The following BTF3L4 variants were observed in gnomAD, a reference collection of about 807,000 sequenced individuals.
The protein encoded by BTF3L4 is transcription factor BTF3 homolog 4.
In BTF3L4, 6 loss-of-function variants were observed where a neutral mutation model predicts 16.8. That is an observed-to-expected ratio of 0.36 (90% CI 0.20 to 0.71). BTF3L4 has a LOEUF of 0.71. Ranked by LOEUF, BTF3L4 falls within the 30% of genes least tolerant of loss-of-function variation. The pLI is 0.58. For missense variants in BTF3L4, 92 were observed against 186.9 expected (o/e 0.49, Z 2.96); for synonymous variants, 39 against 59.8 (o/e 0.65, Z 1.60).
intron 1 of BTF3L4, among the ~76,000 whole-genome samples, 200 bp downstream of exon 1, chr1:52,056,579 A>G (rs944406525): frequency 6.6e-6 from 1 of 152,228 alleles, no homozygotes; most frequent in African/African-American, 2.4e-5. Context: ...GAAGGTCCCC[A>G]GCACCACCGC....
intron 2 of BTF3L4, among the ~76,000 whole-genome samples, chr1:52,061,850 C>T (rs1365307208): frequency 1.3e-5 from 2 of 151,662 alleles, no homozygotes; most frequent in African/African-American, 2.4e-5. Context: ...TCATGTTGGT[C>T]AGGATGATCT....
At chr1:52,065,918 A>G (rs546538841) in intron 3 of BTF3L4, among the ~76,000 whole-genome samples, 1 of 152,130 alleles carries the variant, frequency 6.6e-6, no homozygotes, top group Non-Finnish European at 1.5e-5. Context: ...CATGCCTGTA[A>G]TCCCAGCTAC....
At chr1:52,081,986 T>C (rs528584643) in intron 3 of BTF3L4, among the ~76,000 whole-genome samples, 1 of 152,318 alleles carries the variant, frequency 6.6e-6, no homozygotes, top group South Asian at 2.1e-4. Flanking sequence ...TCAGCATCTA[T>C]GCTTGATTTT....
intron 3 of BTF3L4, among the ~76,000 whole-genome samples, 181 bp from the exon 4 acceptor site, chr1:52,083,159 T>C (rs957089362): frequency 9.2e-5 from 14 of 152,244 alleles, no homozygotes; most frequent in African/African-American, 3.4e-4. Context: ...TTGTGCCATC[T>C]ACACCATTTT....
chr1:52,082,950 G>C (rs1332904558), intron 3 of BTF3L4, among the ~76,000 whole-genome samples: 1 of 152,012 alleles, frequency 6.6e-6, no homozygotes, highest in African/African-American at 2.4e-5. Flanking sequence ...ATGCTACCCT[G>C]CCAAGTGGAA....
intron 3 of BTF3L4, among the ~76,000 whole-genome samples, chr1:52,081,130 G>A (rs1165650702): frequency 2.0e-5 from 3 of 150,606 alleles, no homozygotes; most frequent in Non-Finnish European, 4.4e-5. Context: ...GAGCCACCGC[G>A]CCTGCCCTAT....
intron 3 of BTF3L4, among the ~76,000 whole-genome samples, chr1:52,077,279 T>C (rs933122961): frequency 2.0e-5 from 3 of 152,234 alleles, no homozygotes; most frequent in Admixed American, 1.3e-4. Flanking sequence ...CGGTAGCTCC[T>C]ACCTGTAATC....
rs1163622507 is a variant in BTF3L4, at chr1:52,088,686, C to T, written c.*1928C>T. ...AAACACACACTTGGAAGCCAGGAGA[C>T]TTGTGTCCTAGTCAAAACTCTGGCA... On this transcript the variant is annotated 3_prime_UTR_variant, in exon 6 of 6. Transcript: ENST00000313334. 1 of 152,200 alleles carries T rather than the reference C, an allele frequency of 6.6e-6. No individual in the cohort carries two copies. Among genetic ancestry groups the T allele is most frequent in the Non-Finnish European group, 1.5e-5 (1 of 68,056 alleles). 9.4% of individuals were successfully genotyped at this position (152,200 alleles called of 1,614,324 possible). A position where few individuals can be genotyped will look rare whatever the true frequency, so the allele number is the denominator to read the frequency against.
intron 3 of BTF3L4, among the ~76,000 whole-genome samples, chr1:52,074,977 G>C (rs1180723732): frequency 6.6e-6 from 1 of 151,668 alleles, no homozygotes; most frequent in Non-Finnish European, 1.5e-5. Context: ...GGCTGGTCTT[G>C]AACTCTTGGC....
At chr1:52,084,141 A>G (rs1444406285) in intron 4 of BTF3L4, among the ~76,000 whole-genome samples, 1 of 151,902 alleles carries the variant, frequency 6.6e-6, no homozygotes, top group Non-Finnish European at 1.5e-5. Context: ...ATTTTATTTC[A>G]TTTTATTTAT....
At chr1:52,065,159 G>T in intron 3 of BTF3L4, 2 of 296,862 alleles carry the variant, frequency 6.7e-6, no homozygotes, top group Non-Finnish European at 1.2e-5. Flanking sequence ...TCAAGCTCAA[G>T]ATATTTGCGT....
chr1:52,085,995 A>G, intron 4 of BTF3L4, 117 bp from the exon 5 acceptor site: 1 of 537,278 alleles, frequency 1.9e-6, no homozygotes, highest in Non-Finnish European at 3.1e-6. Flanking sequence ...GATTGACAAT[A>G]TTTAGCTATT....
chr1:52,067,107 G>A (rs992443843), intron 3 of BTF3L4, among the ~76,000 whole-genome samples: 2 of 151,930 alleles, frequency 1.3e-5, no homozygotes, highest in Non-Finnish European at 2.9e-5. Context: ...ATGGTAGTGC[G>A]TGCCTGTAAT....
At chr1:52,081,950 C>T (rs140036872) in intron 3 of BTF3L4, among the ~76,000 whole-genome samples, 1,683 of 152,276 alleles carry the variant, frequency 0.011, 47 homozygotes, top group African/African-American at 0.039. Flanking sequence ...AAGAAAAGCC[C>T]TCTTCCCACT....
At chr1:52,058,457 AT>A (rs770223986) in intron 1 of BTF3L4, among the ~76,000 whole-genome samples, 5 of 152,110 alleles carry the variant, frequency 3.3e-5, no homozygotes, top group Non-Finnish European at 5.9e-5. Context: ...AGCAAACAGT[AT>A]TTTTTTCATG....
At position 52,064,228 on chromosome 1, in the gene BTF3L4, G is replaced by T. The variant is rs554029533; in HGVS notation, c.55-597G>T. On this transcript the variant is annotated intron_variant, in intron 2 of 5. Coordinates refer to ENST00000313334, the MANE Select transcript of BTF3L4 (RefSeq NM_152265.5). The stretch of plus-strand genomic sequence containing the variant: ...TCTCAACTCATATGTTACCTCTTCA[G>T]AGGGGGCTTTCCTGGACCTTCTAAT... Among the ~76,000 whole-genome samples the T allele has an allele frequency of 3.9e-5, 6 of 152,322 alleles. No individual in the cohort carries two copies. The South Asian group carries it at 1.2e-3, about 32-fold the overall frequency.
intron 3 of BTF3L4, among the ~76,000 whole-genome samples, chr1:52,065,816 TC>T (rs1686634482): frequency 6.6e-6 from 1 of 152,024 alleles, no homozygotes; most frequent in African/African-American, 2.4e-5. Context: ...GGCAGGCAGA[TC>T]ATCTGAGGTC....
Position 52,088,489 on chromosome 1 carries a change from A to G in BTF3L4, c.*1731A>G, listed in dbSNP as rs1643991474. The G allele has an allele frequency of 6.6e-6, 1 of 152,558 alleles. No homozygotes were observed. Among genetic ancestry groups the G allele is most frequent in the Non-Finnish European group, 1.5e-5 (1 of 68,006 alleles). The allele number at this position is 152,558 out of a possible 1,614,324, so 9.5% of individuals were successfully genotyped here. On this transcript the variant is annotated 3_prime_UTR_variant, in exon 6 of 6. Coordinates refer to ENST00000313334, the MANE Select transcript of BTF3L4 (RefSeq NM_152265.5). ...CCTGTAAATGAATGTTAGTGCAGTAATTGTTTGAAATAATGCCTCATCCAG... is the reference window on the plus strand; with the variant it reads ...CCTGTAAATGAATGTTAGTGCAGTAGTTGTTTGAAATAATGCCTCATCCAG...
intron 1 of BTF3L4, among the ~76,000 whole-genome samples, chr1:52,057,194 C>G (rs75520288): frequency 6.6e-6 from 1 of 152,208 alleles, no homozygotes; most frequent in Non-Finnish European, 1.5e-5. Flanking sequence ...AAAGCCTGTG[C>G]TTGTCTTAGA....
Sources: allele counts gnomAD v4.1 joint callset (sites outside exome capture counted in the v4.1 genomes callset), GRCh38; gene constraint gnomAD v4.1.1; transcripts MANE v1.5; gene names NCBI Gene and HGNC (gene_info 2026-07-23, HGNC 2026-07-21).